Variants in PROSER1 observed in about 807,000 individuals in gnomAD.
PROSER1 encodes proline and serine rich 1.
Under a neutral mutation model 71.8 loss-of-function variants are expected in PROSER1, and 36 were observed. The ratio of observed to expected loss-of-function variants is 0.50; its 90% CI spans 0.38 to 0.66. The LOEUF (loss-of-function observed/expected upper bound fraction) is 0.66. PROSER1 is among the 30% of genes least tolerant of loss of function. The probability of loss-of-function intolerance (pLI) is 0.00; values close to 1 mark genes in which losing one functional copy is unlikely to be tolerated. For synonymous variants in PROSER1, 490 were observed against 452.4 expected (o/e 1.08, Z -1.06); for missense variants, 1,107 against 1,135.0 (o/e 0.98, Z 0.35).
At chr13:39,017,588 T>G in intron 9 of PROSER1, 44 bp from the exon 10 acceptor site, 1 of 1,021,104 alleles carries the variant, frequency 9.8e-7, no homozygotes, top group Non-Finnish European at 1.5e-6. Flanking sequence ...TTTAATCAAA[T>G]ATTTGCCACC....
At chr13:39,036,927 G>A (rs945604712) in intron 1 of PROSER1, among the ~76,000 whole-genome samples, 3 of 152,122 alleles carry the variant, frequency 2.0e-5, no homozygotes, top group South Asian at 2.1e-4. Flanking sequence ...GAGCTATTAC[G>A]GATTTGTAAA....
At chr13:39,016,874 T>G (rs1377705260) in intron 10 of PROSER1, among the ~76,000 whole-genome samples, 1 of 152,218 alleles carries the variant, frequency 6.6e-6, no homozygotes, top group Non-Finnish European at 1.5e-5. Context: ...GGTCAGGCTA[T>G]TGTGCTACTT....
rs780342466 is a variant in PROSER1 at position 39,017,522 on chromosome 13, C to T, written c.753G>A (p.Pro251=). The T allele has an allele frequency of 2.9e-5, 45 of 1,542,576 alleles. No individual in the cohort carries two copies. The Middle Eastern group carries it at 5.1e-4, about 17-fold the overall frequency. ...VGTENEDLSN[P]SKPIQNQTFS... is the part of the protein sequence containing the mutation. ...TACTTTGATTCTGTATAGGTTTTGA[C>T]GGATTCGAAAGGTCTTCATTCTCTA... Residue 251 remains proline (P), a synonymous_variant, in exon 10 of 13, where the codon CCG becomes CCA. Coordinates refer to ENST00000352251, the MANE Select transcript of PROSER1 (RefSeq NM_025138.5).
Position 39,013,797 on chromosome 13 carries a change from G to A in PROSER1, c.1455C>T (p.Asn485=), listed in dbSNP as rs1296648723. 1.2e-6 allele frequency: 2 copies of A among 1,614,066 alleles called. No homozygotes were observed. The highest frequency in any genetic ancestry group is 2.2e-5 in the East Asian group (1 of 44,892). The change falls in exon 11 of 13, where the codon AAC becomes AAT. Residue 485 remains asparagine, a synonymous_variant. Transcript: ENST00000352251. The part of the protein sequence containing the change: ...FLTSNDTNLI[N]SSALSSAVTS... The stretch of plus-strand genomic sequence containing the variant: ...TGACAGCAGAGGATAAAGCAGAGGA[G>A]TTGATTAAATTGGTGTCATTGGATG...
intron 9 of PROSER1, among the ~76,000 whole-genome samples, chr13:39,019,276 C>A (rs1445425446): frequency 1.3e-5 from 2 of 149,462 alleles, no homozygotes; most frequent in Non-Finnish European, 3.0e-5. Flanking sequence ...CCGAGGTAGG[C>A]AGATCGCCTG....
At chr13:39,030,372 CTT>C (rs1870779850) in intron 3 of PROSER1, among the ~76,000 whole-genome samples, 1 of 152,118 alleles carries the variant, frequency 6.6e-6, no homozygotes, top group Non-Finnish European at 1.5e-5. Context: ...AAAGGTCAGA[CTT>C]AATTTAATTC....
intron 6 of PROSER1, among the ~76,000 whole-genome samples, chr13:39,025,164 A>G (rs1413955865): frequency 6.6e-6 from 1 of 152,204 alleles, no homozygotes; most frequent in Admixed American, 6.5e-5. Context: ...TTGAAAGTAG[A>G]TAAGAAAAAA....
At chr13:39,012,306 T>C in intron 11 of PROSER1, 73 bp from the exon 12 acceptor site, 5 of 1,466,008 alleles carry the variant, frequency 3.4e-6, no homozygotes, top group East Asian at 2.3e-5. Context: ...ATTTGTCAAA[T>C]ACAATCTTAA....
chr13:39,011,488 C>T lies in PROSER1; in HGVS notation c.2713-1G>A, dbSNP rs1869656257. ...TTTCCAGAGCCGAAGCTGAATGGACCTGATGGAAAGAAGAGCGTGTGGTTT... is the reference window on the plus strand; with the variant it reads ...TTTCCAGAGCCGAAGCTGAATGGACTTGATGGAAAGAAGAGCGTGTGGTTT... On this transcript the variant is annotated splice_acceptor_variant, in intron 12 of 12. Coordinates refer to ENST00000352251, the MANE Select transcript of PROSER1 (RefSeq NM_025138.5). LOFTEE classifies it high-confidence loss of function. 3 of 1,613,774 alleles carry T rather than the reference C, an allele frequency of 1.9e-6. No homozygotes were observed. The highest frequency in any genetic ancestry group is 2.5e-6 in the Non-Finnish European group (3 of 1,179,976).
At chr13:39,026,789 TTTACAACCCAGTGGAGGACA>T (rs1239449333) in intron 5 of PROSER1, among the ~76,000 whole-genome samples, 4 of 152,176 alleles carry the variant, frequency 2.6e-5, no homozygotes, top group African/African-American at 9.6e-5. Context: ...GTCCCTGCTC[TTTACAACCCAGTGGAGGACA>T]TCATAAACAA....
chr13:39,030,749 GCCTCTCTCTTTGCTTTGCTCTC>G (rs1486766694), intron 3 of PROSER1, among the ~76,000 whole-genome samples: 3 of 152,044 alleles, frequency 2.0e-5, no homozygotes, highest in Non-Finnish European at 2.9e-5. Flanking sequence ...TTCTTACAGA[GCCTCTCTCTTTGCTTTGCTCTC>G]CCTCTCAAGA....
rs756127304 is a variant in PROSER1, at chr13:39,013,063, G to C, written c.2189C>G (p.Ser730Cys). The C allele has an allele frequency of 1.1e-5, 17 of 1,614,134 alleles. No individual in the cohort carries two copies. The highest frequency in any genetic ancestry group is 1.3e-5 in the Non-Finnish European group (15 of 1,180,006). ...SLPGSLIATS[S>C]TAATSTSLPH... ...GAGAGATGTGGAGGTGGCAGCGGTA[G>C]ATGAGGTGGCTATTAATGACCCTGG... Residue 730 changes from serine to cysteine, a missense_variant, in exon 11 of 13, where the codon TCT (serine) becomes TGT (cysteine). Coordinates refer to ENST00000352251, the MANE Select transcript of PROSER1 (RefSeq NM_025138.5).
chr13:39,012,798 G>A lies in PROSER1; in HGVS notation c.2454C>T (p.Val818=), dbSNP rs150563182. The A allele has an allele frequency of 4.1e-4, 664 of 1,614,084 alleles. No individual in the cohort carries two copies. Among genetic ancestry groups the A allele is most frequent in the Non-Finnish European group, 5.4e-4 (641 of 1,180,042 alleles). Residue 818 remains valine (V), a synonymous_variant, in exon 11 of 13, where the codon GTC becomes GTT. Coordinates refer to ENST00000352251, the MANE Select transcript of PROSER1 (RefSeq NM_025138.5). ...GLQAPSTVAA[V]TPLPVAATAP... is the part of the protein sequence containing the mutation. ...CTGTGGCAGCCACAGGTAGTGGTGT[G>A]ACAGCTGCGACTGTAGAGGGCGCCT...
Position 39,017,552 on chromosome 13 carries a change from AAAAT to A in PROSER1, c.731-12_731-9del, listed in dbSNP as rs773895779. ...TCGAAAGGTCTTCATTCTCTATATA[AAAAT>A]AAATAAAAGTTCATTTTAAACTTTA... On this transcript the variant is annotated splice_polypyrimidine_tract_variant and intron_variant, in intron 9 of 12. Coordinates refer to ENST00000352251, the MANE Select transcript of PROSER1 (RefSeq NM_025138.5). 9.4e-6 allele frequency: 13 copies of A among 1,384,938 alleles called. No homozygotes were observed. Among genetic ancestry groups the A allele is most frequent in the Non-Finnish European group, 1.2e-5 (12 of 1,001,396 alleles). The allele number at this position is 1,384,938 out of a possible 1,614,324, so 85.8% of individuals were successfully genotyped here.
At chr13:39,026,455 G>T in intron 5 of PROSER1, 68 bp from the exon 6 acceptor site, 2 of 927,328 alleles carry the variant, frequency 2.2e-6, no homozygotes, top group Non-Finnish European at 3.3e-6. Context: ...AACATTGGGA[G>T]CTCAGCTAAA....
chr13:39,012,045 A>ATGT (rs1315666691), intron 12 of PROSER1, 38 bp downstream of exon 12: 1 of 1,598,146 alleles, frequency 6.3e-7, no homozygotes, highest in African/African-American at 1.3e-5. Context: ...TTAGTTATAC[A>ATGT]TGTTACCATG....
chr13:39,030,813 A>G (rs181528697), intron 3 of PROSER1, among the ~76,000 whole-genome samples: 1 of 152,244 alleles, frequency 6.6e-6, no homozygotes, highest in Admixed American at 6.5e-5. Flanking sequence ...ACCTGGAGAA[A>G]CATTTTCACC....
chr13:39,031,157 G>A (rs1281579703), intron 3 of PROSER1, among the ~76,000 whole-genome samples: 1 of 152,118 alleles, frequency 6.6e-6, no homozygotes, highest in East Asian at 1.9e-4. Flanking sequence ...CTCAGATGAG[G>A]CACATTCAAG....
intron 2 of PROSER1, among the ~76,000 whole-genome samples, chr13:39,032,897 A>C (rs1449546679): frequency 6.6e-6 from 1 of 152,048 alleles, no homozygotes; most frequent in African/African-American, 2.4e-5. Context: ...GCTGTAAGAA[A>C]TTATATATCT....
Sources: gnomAD v4.1 joint callset for allele counts (sites outside exome capture counted in the v4.1 genomes callset) on GRCh38, gnomAD v4.1.1 for gene constraint, MANE v1.5 for transcripts, NCBI Gene and HGNC (gene_info 2026-07-23, HGNC 2026-07-21) for gene names.